CCDC148: variants seen among roughly 807,000 people sequenced by gnomAD.
CCDC148 encodes coiled-coil domain containing 148, also known as coiled-coil domain-containing protein 148.
Under a neutral mutation model 85.7 loss-of-function variants are expected in CCDC148, and 89 were observed. The ratio of observed to expected loss-of-function variants is 1.04; its 90% CI spans 0.87 to 1.24. CCDC148 has a LOEUF of 1.24. Among genes scored for constraint, CCDC148 ranks in the 50% most tolerant of loss-of-function variants. The pLI is 0.00. For missense variants in CCDC148, 692 were observed against 671.7 expected (o/e 1.03, Z -0.33); for synonymous variants, 230 against 213.9 (o/e 1.08, Z -0.66).
intron 3 of CCDC148, among the ~76,000 whole-genome samples, chr2:158,342,871 G>T (rs1388318466): frequency 6.6e-6 from 1 of 152,232 alleles, no homozygotes; most frequent in East Asian, 1.9e-4. Flanking sequence ...ACCTCAAGGG[G>T]TATAGCTTGA....
At chr2:158,325,636 A>G (rs886529244) in intron 7 of CCDC148, among the ~76,000 whole-genome samples, 2 of 152,080 alleles carry the variant, frequency 1.3e-5, no homozygotes, top group Non-Finnish European at 2.9e-5. Context: ...CAATCTCTAC[A>G]CAGATACCTA....
chr2:158,288,686 T>C, intron 9 of CCDC148: 1 of 269,078 alleles, frequency 3.7e-6, no homozygotes, highest in Non-Finnish European at 7.2e-6. Flanking sequence ...CGTCTTCTTC[T>C]GAGCCTTCCA....
chr2:158,435,500 C>T (rs549575890), intron 1 of CCDC148, among the ~76,000 whole-genome samples: 1 of 152,350 alleles, frequency 6.6e-6, no homozygotes, highest in East Asian at 1.9e-4. Context: ...AAAGCAACAA[C>T]TGGTACTGGC....
chr2:158,341,299 G>A (rs7576156), intron 3 of CCDC148, among the ~76,000 whole-genome samples: 8,035 of 135,288 alleles, frequency 0.059, 524 homozygotes, highest in African/African-American at 0.16. Flanking sequence ...ATACATATGT[G>A]TACATACATA....
At position 158,338,986 on chromosome 2, in the gene CCDC148, T is replaced by C; in HGVS notation, c.582+4A>G. The C allele has an allele frequency of 1.9e-6, 3 of 1,611,216 alleles. No homozygotes were observed. Among genetic ancestry groups the C allele is most frequent in the Non-Finnish European group, 2.5e-6 (3 of 1,177,950 alleles). On this transcript the variant is annotated splice_donor_region_variant and intron_variant, in intron 6 of 13. Transcript: ENST00000283233. ...ACATAAATTATTAGCCACATCACAC[T>C]TACCTTTATACTCCAGTCTGAAAGA...
rs71421073 is a variant in CCDC148, at chr2:158,396,035, C to A, written c.26-37465G>T. Reference sequence around the variant, plus strand: ...AGGACAGTCCAACTACTGGCCAATACGGAAGATTATATCTCTTATTGTATT... The same window carrying A: ...AGGACAGTCCAACTACTGGCCAATAAGGAAGATTATATCTCTTATTGTATT... On this transcript the variant is annotated intron_variant, in intron 1 of 13. Coordinates refer to ENST00000283233, the MANE Select transcript of CCDC148 (RefSeq NM_138803.4). Among the ~76,000 whole-genome samples, 145 of 152,098 alleles carry A rather than the reference C, an allele frequency of 9.5e-4. 1 individual carries two copies. Among genetic ancestry groups the A allele is most frequent in the African/African-American group, 3.4e-3 (142 of 41,522 alleles).
rs572267316 is a variant in CCDC148, at chr2:158,216,329, G to T, written c.1370+4266C>A. Among the ~76,000 whole-genome samples the T allele has an allele frequency of 2.8e-5, 4 of 144,082 alleles. No individual in the cohort carries two copies. The South Asian group carries it at 9.2e-4, about 33-fold the overall frequency. 94.5% of individuals were successfully genotyped at this position (144,082 alleles called of 152,430 possible). The stretch of plus-strand genomic sequence containing the variant: ...ATTTTTAAAAATATTCATTTAAAAT[G>T]TACCTATATATACGTACTGTAAAAA... On this transcript the variant is annotated intron_variant, in intron 11 of 13. Transcript: ENST00000283233.
At chr2:158,386,516 T>A (rs904111804) in intron 1 of CCDC148, among the ~76,000 whole-genome samples, 1 of 152,150 alleles carries the variant, frequency 6.6e-6, no homozygotes, top group African/African-American at 2.4e-5. Context: ...TTTTTTCAGC[T>A]GTAGTCTCCC....
intron 10 of CCDC148, among the ~76,000 whole-genome samples, chr2:158,245,236 A>T (rs928799796): frequency 9.2e-5 from 14 of 152,164 alleles, no homozygotes; most frequent in African/African-American, 3.4e-4. Context: ...TCTCTGCAGG[A>T]AACATGTAAT....
intron 9 of CCDC148, among the ~76,000 whole-genome samples, chr2:158,268,227 C>T (rs1400674659): frequency 6.6e-6 from 1 of 152,112 alleles, no homozygotes; most frequent in Non-Finnish European, 1.5e-5. Context: ...TCCAGTTGTG[C>T]TTCTTCACTA....
At position 158,178,918 on chromosome 2, in the gene CCDC148, G is replaced by A. The variant is rs1276974238; in HGVS notation, c.1449C>T (p.Asp483=). Residue 483 remains aspartate, a synonymous_variant, in exon 12 of 14, where the codon GAC becomes GAT. Transcript: ENST00000283233. ...CTTCTAGCCGCCGTGCTCTCTCTTT[G>A]TCTTCATGAGCTTCTTGAAGGGCCA... is the stretch of plus-strand genomic sequence containing the variant. ...KEVALQEAHE[D]KERARRLEAL... 1.9e-6 allele frequency: 3 copies of A among 1,613,434 alleles called. No homozygotes were observed. The highest frequency in any genetic ancestry group is 2.5e-6 in the Non-Finnish European group (3 of 1,179,722).
chr2:158,387,419 G>C (rs1253435695), intron 1 of CCDC148, among the ~76,000 whole-genome samples: 1 of 152,046 alleles, frequency 6.6e-6, no homozygotes, highest in African/African-American at 2.4e-5. Context: ...ACAGTGAGAA[G>C]TCCAGCTGCC....
chr2:158,357,806 A>T (rs1331302432), intron 2 of CCDC148, among the ~76,000 whole-genome samples: 1 of 152,206 alleles, frequency 6.6e-6, no homozygotes. Context: ...TTAAATACAA[A>T]TAACTTGTAA....
intron 3 of CCDC148, among the ~76,000 whole-genome samples, chr2:158,342,657 C>T (rs936017870): frequency 6.6e-6 from 1 of 152,136 alleles, no homozygotes; most frequent in East Asian, 1.9e-4. Flanking sequence ...AACTTTGGCA[C>T]CTTTCTGGAA....
chr2:158,319,088 G>A (rs1471076953), intron 7 of CCDC148, among the ~76,000 whole-genome samples: 1 of 152,148 alleles, frequency 6.6e-6, no homozygotes, highest in East Asian at 1.9e-4. Flanking sequence ...TTAAAAGTAA[G>A]ATGTAATTGC....
Position 158,309,440 on chromosome 2 carries a change from T to A in CCDC148, c.1103A>T (p.Lys368Ile). ...KKQQELCADL[K>I]AKVRQWRAHQ... Reference sequence around the variant, plus strand: ...ACCTGTGCAGCATCTTACCTTGGCTTTCAGATCAGCACACAATTCCTGTTG... The same window carrying A: ...ACCTGTGCAGCATCTTACCTTGGCTATCAGATCAGCACACAATTCCTGTTG... Residue 368 changes from lysine (K) to isoleucine (I), a missense_variant, in exon 9 of 14, where the codon AAA (lysine) becomes ATA (isoleucine). By Grantham distance (102) the Lys-to-Ile change is moderately radical. Transcript: ENST00000283233. 1 of 1,613,446 alleles carries A rather than the reference T, an allele frequency of 6.2e-7. No individual in the cohort carries two copies. Among genetic ancestry groups the A allele is most frequent in the Non-Finnish European group, 8.5e-7 (1 of 1,179,600 alleles).
At chr2:158,174,956 G>A (rs1684503673) in intron 13 of CCDC148, among the ~76,000 whole-genome samples, 1 of 151,990 alleles carries the variant, frequency 6.6e-6, no homozygotes, top group African/African-American at 2.4e-5. Context: ...TCTGCATACA[G>A]ATGCCTTAGT....
At chr2:158,334,597 T>A (rs936993569) in intron 7 of CCDC148, among the ~76,000 whole-genome samples, 7 of 152,062 alleles carry the variant, frequency 4.6e-5, no homozygotes, top group African/African-American at 1.7e-4. Context: ...GGTCACTGAG[T>A]CGAATAGAAT....
intron 10 of CCDC148, among the ~76,000 whole-genome samples, chr2:158,236,397 A>G (rs1293025352): frequency 6.6e-6 from 1 of 152,178 alleles, no homozygotes; most frequent in Non-Finnish European, 1.5e-5. Context: ...GTCTGTTTTC[A>G]GTATGGGCAT....
Sources: allele counts gnomAD v4.1 joint callset (sites outside exome capture counted in the v4.1 genomes callset), GRCh38; gene constraint gnomAD v4.1.1; transcripts MANE v1.5; gene names NCBI Gene and HGNC (gene_info 2026-07-23, HGNC 2026-07-21).